XKR9: variants seen among roughly 807,000 people sequenced by gnomAD.
The protein encoded by XKR9 is XK-related protein 9.
Under a neutral mutation model 32.0 loss-of-function variants are expected in XKR9, and 32 were observed. The ratio of observed to expected loss-of-function variants is 1.00; its 90% CI spans 0.76 to 1.34. XKR9 has a LOEUF of 1.34. Ranked by LOEUF, XKR9 falls within the 40% of genes most tolerant of loss-of-function variation. XKR9 has a pLI of 0.00. For missense variants in XKR9, 546 were observed against 429.7 expected, an observed-to-expected ratio of 1.27 and a Z score of -2.39; for synonymous variants, 168 against 143.4, an observed-to-expected ratio of 1.17 and a Z score of -1.22.
intron 2 of XKR9, among the ~76,000 whole-genome samples, chr8:70,751,628 G>A (rs1357342366): frequency 6.6e-6 from 1 of 152,158 alleles, no homozygotes; most frequent in Non-Finnish European, 1.5e-5. Context: ...GAACAAAAAG[G>A]CAGAGGAAAG....
At chr8:70,703,799 A>G (rs982014821) in intron 3 of XKR9, among the ~76,000 whole-genome samples, 1 of 152,174 alleles carries the variant, frequency 6.6e-6, no homozygotes, top group African/African-American at 2.4e-5. Flanking sequence ...CAAATAAAAG[A>G]AGATATAGGG....
chr8:70,755,673 A>T (rs1449085864), intron 2 of XKR9, among the ~76,000 whole-genome samples: 1 of 145,410 alleles, frequency 6.9e-6, no homozygotes, highest in East Asian at 2.2e-4. Context: ...AAAACCAAAC[A>T]CCGCATGTTC....
chr8:71,012,468 A>G, the XKR9 span, among the ~76,000 whole-genome samples: 2 of 152,254 alleles, frequency 1.3e-5, no homozygotes, highest in Non-Finnish European at 2.9e-5. Context: ...GGCTCCAAAC[A>G]CTTTTGTTAA....
At chr8:71,006,278 A>G in the XKR9 span, among the ~76,000 whole-genome samples, 69 of 152,382 alleles carry the variant, frequency 4.5e-4, no homozygotes, top group African/African-American at 1.6e-3. Flanking sequence ...ACAGCTTTGA[A>G]TGCGACTCAA....
the XKR9 span, among the ~76,000 whole-genome samples, chr8:71,003,749 T>G: frequency 0.32 from 48,473 of 152,102 alleles, 9,068 homozygotes; most frequent in Non-Finnish European, 0.43. Context: ...AGTTATCCAC[T>G]TTACATAAAG....
At chr8:70,884,844 C>T in the XKR9 span, among the ~76,000 whole-genome samples, 3 of 152,104 alleles carry the variant, frequency 2.0e-5, no homozygotes, top group Non-Finnish European at 2.9e-5. Flanking sequence ...CTTTTAATAT[C>T]GTGTTAGCTA....
chr8:70,733,772 A>T lies in XKR9; in HGVS notation c.494-24A>T, dbSNP rs778165116. The T allele has an allele frequency of 4.0e-6, 6 of 1,492,026 alleles. No homozygotes were observed. The South Asian group carries it at 8.5e-5, about 21-fold the overall frequency. The allele number at this position is 1,492,026 out of a possible 1,614,324, so 92.4% of individuals were successfully genotyped here. A position where few individuals can be genotyped will look rare whatever the true frequency, so the allele number is the denominator to read the frequency against. On this transcript the variant is annotated intron_variant, in intron 4 of 4. Transcript: ENST00000408926. ...ATTTCTATTATTCCTATAACAATAT[A>T]TTTTTTATTTTTTTGTTTTGTAGAT... is the stretch of plus-strand genomic sequence containing the variant.
chr8:70,982,257 T>C, the XKR9 span, among the ~76,000 whole-genome samples: 1 of 152,154 alleles, frequency 6.6e-6, no homozygotes, highest in African/African-American at 2.4e-5. Flanking sequence ...CCCAAGACAT[T>C]ATGACCTTTG....
chr8:70,867,483 C>T, the XKR9 span, among the ~76,000 whole-genome samples: 2 of 152,102 alleles, frequency 1.3e-5, no homozygotes, highest in Non-Finnish European at 2.9e-5. Context: ...GATGAAGTCT[C>T]CTCAGTTGCC....
chr8:70,825,113 C>A, the XKR9 span, among the ~76,000 whole-genome samples: 1 of 152,004 alleles, frequency 6.6e-6, no homozygotes, highest in Non-Finnish European at 1.5e-5. Context: ...GAGTTCTGAT[C>A]TTTGACTGAA....
At chr8:70,898,110 A>G in the XKR9 span, among the ~76,000 whole-genome samples, 1 of 152,118 alleles carries the variant, frequency 6.6e-6, no homozygotes, top group Non-Finnish European at 1.5e-5. Context: ...ATAGGGGTCT[A>G]GTTTCATTCT....
the XKR9 span, among the ~76,000 whole-genome samples, chr8:71,006,158 T>C: frequency 6.6e-6 from 1 of 152,244 alleles, no homozygotes; most frequent in Non-Finnish European, 1.5e-5. Context: ...TGGGAATTGT[T>C]AATGCAAACC....
chr8:70,747,920 A>G (rs910630846), intron 2 of XKR9, among the ~76,000 whole-genome samples: 3 of 152,156 alleles, frequency 2.0e-5, no homozygotes, highest in African/African-American at 7.2e-5. Flanking sequence ...TTCATGGACT[A>G]TTGTGAAAAA....
intron 3 of XKR9, among the ~76,000 whole-genome samples, chr8:70,705,634 A>G (rs1435637630): frequency 6.6e-6 from 1 of 152,138 alleles, no homozygotes; most frequent in East Asian, 1.9e-4. Context: ...TGGTGGTAGC[A>G]TGTGTGGGAA....
At chr8:70,955,772 G>A in the XKR9 span, among the ~76,000 whole-genome samples, 1 of 152,220 alleles carries the variant, frequency 6.6e-6, no homozygotes, top group Non-Finnish European at 1.5e-5. Flanking sequence ...GGCAAGGGAT[G>A]TGTGAGCGAG....
intron 4 of XKR9, among the ~76,000 whole-genome samples, chr8:70,716,483 T>A (rs148349385): frequency 1.3e-5 from 2 of 152,020 alleles, no homozygotes; most frequent in Non-Finnish European, 2.9e-5. Flanking sequence ...AGCAAACACA[T>A]CCTTCTTCAC....
intron 2 of XKR9, among the ~76,000 whole-genome samples, chr8:70,765,614 A>C (rs1807364830): frequency 6.6e-6 from 1 of 152,146 alleles, no homozygotes; most frequent in Non-Finnish European, 1.5e-5. Flanking sequence ...GTTTAATTAC[A>C]TCCCATTTTT....
the XKR9 span, among the ~76,000 whole-genome samples, chr8:70,834,792 G>A: frequency 8.0e-3 from 1,218 of 152,180 alleles, 5 homozygotes; most frequent in Non-Finnish European, 0.013. Flanking sequence ...TTAATTTACC[G>A]TAGATCAAAG....
At chr8:70,710,681 G>C (rs535251273) in intron 4 of XKR9, among the ~76,000 whole-genome samples, 2 of 151,772 alleles carry the variant, frequency 1.3e-5, no homozygotes, top group African/African-American at 4.8e-5. Context: ...TCCAACCTGG[G>C]TGACAGAGCG....
Sources: allele counts gnomAD v4.1 joint callset (sites outside exome capture counted in the v4.1 genomes callset), GRCh38; gene constraint gnomAD v4.1.1; transcripts MANE v1.5; gene names NCBI Gene and HGNC (gene_info 2026-07-23, HGNC 2026-07-21).